Variants in POLR2K observed in about 807,000 individuals in gnomAD.
POLR2K encodes DNA-directed RNA polymerases I, II, and III subunit RPABC4.
Under a neutral mutation model 10.1 loss-of-function variants are expected in POLR2K, and 9 were observed. That is an observed-to-expected ratio of 0.89 (90% CI 0.54 to 1.56). POLR2K has a LOEUF of 1.56. Ranked by LOEUF, POLR2K falls within the 40% of genes most tolerant of loss-of-function variation. The probability of loss-of-function intolerance (pLI) is 0.00; values close to 1 mark genes in which losing one functional copy is unlikely to be tolerated. For missense variants in POLR2K, 53 were observed against 71.9 expected (o/e 0.74, Z 0.95); for synonymous variants, 19 against 20.3 (o/e 0.94, Z 0.17).
chr8:100,151,378 A>C lies in POLR2K; in HGVS notation c.23A>C (p.Gln8Pro), dbSNP rs751176772. 1.9e-6 allele frequency: 3 copies of C among 1,610,654 alleles called. No individual in the cohort carries two copies. The highest frequency in any genetic ancestry group is 2.5e-6 in the Non-Finnish European group (3 of 1,176,862). Reference protein sequence around the residue: MDTQKDVQPPKQQPMIYI... With the variant: MDTQKDVPPPKQQPMIYI... Reference sequence around the variant, plus strand: ...ACAATGGACACCCAGAAGGACGTTCAACCTCCAAAGCAGCAACCAATGATA... The same window carrying C: ...ACAATGGACACCCAGAAGGACGTTCCACCTCCAAAGCAGCAACCAATGATA... Residue 8 changes from glutamine (Q) to proline (P), a missense_variant, in exon 2 of 4, where the codon CAA becomes CCA. Coordinates refer to ENST00000353107, the MANE Select transcript of POLR2K (RefSeq NM_005034.4).
chr8:100,152,811 G>C (rs1198588694), intron 3 of POLR2K, among the ~76,000 whole-genome samples: 1 of 152,098 alleles, frequency 6.6e-6, no homozygotes, highest in Non-Finnish European at 1.5e-5. Flanking sequence ...TGTCACCCAG[G>C]CTGGTGTGCA....
chr8:100,153,204 C>A, intron 3 of POLR2K, 90 bp from the exon 4 acceptor site: 1 of 885,846 alleles, frequency 1.1e-6, no homozygotes, highest in South Asian at 1.6e-5. Context: ...AAATAACAAA[C>A]CAGCTTATTG....
intron 3 of POLR2K, chr8:100,152,191 TC>T (rs1814929083): frequency 1.8e-6 from 1 of 550,958 alleles, no homozygotes; most frequent in Non-Finnish European, 3.2e-6. Flanking sequence ...TTAAGCAATT[TC>T]ATCATTCCTA....
chr8:100,152,769 T>C (rs1222378836), intron 3 of POLR2K, among the ~76,000 whole-genome samples: 1 of 152,200 alleles, frequency 6.6e-6, no homozygotes, highest in East Asian at 1.9e-4. Flanking sequence ...TTTTGTTTGT[T>C]TTTTGTTTTT....
chr8:100,151,452 AT>A (rs781238188), intron 2 of POLR2K, 36 bp downstream of exon 2: 2 of 1,337,934 alleles, frequency 1.5e-6, no homozygotes, highest in South Asian at 2.3e-5. Context: ...AGAATATTTT[AT>A]TTAAGTTTTT....
chr8:100,153,422 T>C lies in POLR2K; in HGVS notation c.*106T>C. The C allele has an allele frequency of 2.1e-6, 2 of 945,432 alleles. No homozygotes were observed. The allele number at this position is 945,432 out of a possible 1,614,324, so 58.6% of individuals were successfully genotyped here. ...TTTTGCTTACAGTAGTTCCCCCTTATCTTCGGGAGATACATTCCAAGGCCC... is the reference window on the plus strand; with the variant it reads ...TTTTGCTTACAGTAGTTCCCCCTTACCTTCGGGAGATACATTCCAAGGCCC... On this transcript the variant is annotated 3_prime_UTR_variant, in exon 4 of 4. Transcript: ENST00000353107.
intron 3 of POLR2K, 86 bp downstream of exon 3, chr8:100,152,002 TGATAAC>T (rs1586361233): frequency 1.3e-6 from 1 of 748,414 alleles, no homozygotes; most frequent in Non-Finnish European, 2.4e-6. Flanking sequence ...CTGGTTAAAA[TGATAAC>T]TTTCTGGATT....
At chr8:100,152,916 C>T (rs906900840) in intron 3 of POLR2K, among the ~76,000 whole-genome samples, 2 of 151,988 alleles carry the variant, frequency 1.3e-5, no homozygotes, top group Admixed American at 6.6e-5. Context: ...TACAGGCACC[C>T]GCCACCATGC....
rs112256029 is a variant in POLR2K at position 100,153,371 on chromosome 8, A to G, written c.*55A>G. 1.6e-3 allele frequency: 2,468 copies of G among 1,504,574 alleles called. 29 individuals are homozygous for G. The African/African-American group carries it at 0.029, about 18-fold the overall frequency. 93.2% of individuals were successfully genotyped at this position (1,504,574 alleles called of 1,614,324 possible). Reference sequence around the variant, plus strand: ...TTATACTTGGATTTGCTCTCTTCCCATTTCTGATTGTTGTATAGCTTTCGA... The same window carrying G: ...TTATACTTGGATTTGCTCTCTTCCCGTTTCTGATTGTTGTATAGCTTTCGA... On this transcript the variant is annotated 3_prime_UTR_variant, in exon 4 of 4. Coordinates refer to ENST00000353107, the MANE Select transcript of POLR2K (RefSeq NM_005034.4).
At chr8:100,151,119 T>G (rs752385239) in intron 1 of POLR2K, among the ~76,000 whole-genome samples, 10 of 152,314 alleles carry the variant, frequency 6.6e-5, no homozygotes, top group Middle Eastern at 3.4e-3. Flanking sequence ...AGGATTGTTA[T>G]GAAGATTATA....
intron 2 of POLR2K, 32 bp downstream of exon 2, chr8:100,151,448 T>TTTTA: frequency 7.3e-7 from 1 of 1,376,824 alleles, no homozygotes; most frequent in Non-Finnish European, 1.0e-6. Context: ...AGTAAGAATA[T>TTTTA]TTTATTTAAG....
rs1373478220 is a variant in POLR2K at position 100,151,592 on chromosome 8, T to A, written c.61+176T>A. The A allele has an allele frequency of 5.0e-6, 3 of 605,578 alleles. No homozygotes were observed. The African/African-American group carries it at 5.6e-5, about 11-fold the overall frequency. 37.5% of individuals were successfully genotyped at this position (605,578 alleles called of 1,614,324 possible). ...ACCTGGGTTCGTCCTTGGTCTTCTG[T>A]TTACTAACAGAAAAAAACAAAGCTC... On this transcript the variant is annotated intron_variant, in intron 2 of 3. Transcript: ENST00000353107.
Position 100,151,856 on chromosome 8 carries a change from G to T in POLR2K, c.94G>T (p.Asp32Tyr). 1 of 1,568,504 alleles carries T rather than the reference G, an allele frequency of 6.4e-7. No individual in the cohort carries two copies. Among genetic ancestry groups the T allele is most frequent in the Non-Finnish European group, 8.7e-7 (1 of 1,143,992 alleles). ...CHTENEIKSR[D>Y]PIRCRECGYR... ...CACAGAAAATGAAATAAAATCTAGGGATCCAATCAGATGCAGAGAATGTGG... is the reference window on the plus strand; with the variant it reads ...CACAGAAAATGAAATAAAATCTAGGTATCCAATCAGATGCAGAGAATGTGG... Residue 32 changes from aspartate (D) to tyrosine (Y), a missense_variant, in exon 3 of 4, where the codon GAT (aspartate) becomes TAT (tyrosine). Physicochemically the swap from Asp to Tyr is radical, Grantham distance 160. Coordinates refer to ENST00000353107, the MANE Select transcript of POLR2K (RefSeq NM_005034.4).
chr8:100,151,810 T>C lies in POLR2K; in HGVS notation c.62-14T>C. ...CCTCTTAGGCATTGAGTAAATTTTT[T>C]TTTTTAATTCTAGAGTGTCACACAG... On this transcript the variant is annotated splice_polypyrimidine_tract_variant and intron_variant, in intron 2 of 3. Coordinates refer to ENST00000353107, the MANE Select transcript of POLR2K (RefSeq NM_005034.4). The C allele has an allele frequency of 7.6e-7, 1 of 1,314,336 alleles. No homozygotes were observed. The highest frequency in any genetic ancestry group is 2.2e-5 in the Admixed American group (1 of 46,340). The allele number at this position is 1,314,336 out of a possible 1,614,324, so 81.4% of individuals were successfully genotyped here.
At chr8:100,152,196 A>T (rs1361888924) in intron 3 of POLR2K, 7 of 546,630 alleles carry the variant, frequency 1.3e-5, no homozygotes, top group Non-Finnish European at 2.2e-5. Flanking sequence ...CAATTTCATC[A>T]TTCCTACAGA....
chr8:100,152,119 AT>A, intron 3 of POLR2K: 1 of 587,564 alleles, frequency 1.7e-6, no homozygotes, highest in South Asian at 2.1e-5. Flanking sequence ...TCATAAATTT[AT>A]TTTTTAGGGA....
intron 3 of POLR2K, among the ~76,000 whole-genome samples, chr8:100,152,694 A>G (rs1247040384): frequency 6.6e-6 from 1 of 152,216 alleles, no homozygotes; most frequent in African/African-American, 2.4e-5. Flanking sequence ...GTAAATTGTT[A>G]TGATACAACT....
rs1814950558 is a variant in POLR2K at position 100,153,779 on chromosome 8, A to G, written c.*463A>G. The G allele has an allele frequency of 2.0e-5, 3 of 152,594 alleles. No homozygotes were observed. 9.5% of individuals were successfully genotyped at this position (152,594 alleles called of 1,614,324 possible). On this transcript the variant is annotated 3_prime_UTR_variant, in exon 4 of 4. Transcript: ENST00000353107. ...TACATATGATTTTATTTTTAAGACC[A>G]TATTATATTTGGGTATCTACTAATA...
chr8:100,151,533 T>C (rs983766459), intron 2 of POLR2K, 117 bp downstream of exon 2: 4 of 733,386 alleles, frequency 5.5e-6, no homozygotes, highest in East Asian at 5.3e-5. Context: ...TAGAACACTT[T>C]AGCAACCATA....
Sources: allele counts gnomAD v4.1 joint callset (sites outside exome capture counted in the v4.1 genomes callset), GRCh38; gene constraint gnomAD v4.1.1; transcripts MANE v1.5; gene names NCBI Gene and HGNC (gene_info 2026-07-23, HGNC 2026-07-21).